The following KIF13A variants were observed in gnomAD, a reference collection of about 807,000 sequenced individuals.
KIF13A encodes the protein kinesin-like protein KIF13A.
Under a neutral mutation model 212.2 loss-of-function variants are expected in KIF13A, and 79 were observed. The observed-to-expected ratio is 0.37, with a 90% CI of 0.31 to 0.45. KIF13A has a LOEUF of 0.45. Among genes scored for constraint, KIF13A ranks in the 20% least tolerant of loss-of-function variants. The pLI, the probability that KIF13A is intolerant of heterozygous loss-of-function variation, is 1.00. For synonymous variants in KIF13A, 789 were observed against 808.6 expected (o/e 0.98, Z 0.41); for missense variants, 1,901 against 2,209.0 (o/e 0.86, Z 2.79).
downstream of KIF13A, chr6:17,760,191 A>G (rs1758528085): frequency 6.6e-6 from 1 of 152,220 alleles, no homozygotes; most frequent in Non-Finnish European, 1.5e-5. Context: ...GTGGACAGCA[A>G]AAATGTTGTC....
At chr6:17,854,546 A>C (rs867703325) in intron 6 of KIF13A, among the ~76,000 whole-genome samples, 1 of 77,094 alleles carries the variant, frequency 1.3e-5, no homozygotes, top group Non-Finnish European at 2.3e-5. Flanking sequence ...AATCAGTATA[A>C]TTTTTTTTTT....
intron 2 of KIF13A, among the ~76,000 whole-genome samples, chr6:17,976,300 C>G (rs943078822): frequency 4.6e-5 from 7 of 152,216 alleles, no homozygotes; most frequent in African/African-American, 1.7e-4. Context: ...GAGGCTCAGG[C>G]ATGGCGGGCT....
chr6:17,880,839 C>T (rs1043920657), intron 3 of KIF13A, among the ~76,000 whole-genome samples: 10 of 151,910 alleles, frequency 6.6e-5, no homozygotes, highest in African/African-American at 2.4e-4. Context: ...AAGTTAGTAT[C>T]GAACTCCTGA....
intron 2 of KIF13A, among the ~76,000 whole-genome samples, chr6:17,945,327 TAA>T (rs1777291964): frequency 6.6e-6 from 1 of 152,128 alleles, no homozygotes; most frequent in Admixed American, 6.6e-5. Flanking sequence ...CTCATGATTT[TAA>T]AAGTCAGGAC....
rs142427412 is a variant in KIF13A at position 17,823,695 on chromosome 6, C to T, written c.1786+2073G>A. ...GTTAGCCAGGCTGGTCTCGAACTCC[C>T]GGCCTCAAGTAATCTTCCTGCCTCA... On this transcript the variant is annotated intron_variant, in intron 16 of 38. Coordinates refer to ENST00000259711, the MANE Select transcript of KIF13A (RefSeq NM_022113.6). Among the ~76,000 whole-genome samples the T allele has an allele frequency of 9.1e-3, 1,378 of 151,302 alleles. 8 individuals are homozygous for T. The highest frequency in any genetic ancestry group is 0.056 in the Middle Eastern group (16 of 288).
intron 2 of KIF13A, among the ~76,000 whole-genome samples, chr6:17,981,519 G>A (rs1437889296): frequency 1.3e-5 from 2 of 150,880 alleles, no homozygotes; most frequent in East Asian, 3.9e-4. Context: ...ACGCCTCCCG[G>A]GTTCAAGCAT....
rs1761875964 is a variant in KIF13A at position 17,794,594 on chromosome 6, C to A, written c.3053G>T (p.Gly1018Val). ...TACCTGTCTAAGTTGAAAGATGCCT[C>A]CTGTGTTGACATCTTTTGCCTGATG... ...ELHQAKDVNT[G>V]GIFQLRQGHS... Residue 1018 changes from glycine (G) to valine (V), a missense_variant, in exon 24 of 39, where the codon GGA (glycine) becomes GTA (valine). By Grantham distance (109) the Gly-to-Val change is moderately radical. Around this residue, in one of 5 missense-constraint regions of KIF13A, gnomAD observed 168 missense variants for 250.9 expected, o/e 0.67. Coordinates refer to ENST00000259711, the MANE Select transcript of KIF13A (RefSeq NM_022113.6). This position sits in a 1 kb window ranked among gnomAD's most constrained non-coding sequence, Gnocchi z 4.1. 6.2e-7 allele frequency: 1 copy of A among 1,611,886 alleles called. No individual in the cohort carries two copies. The highest frequency in any genetic ancestry group is 1.7e-5 in the Admixed American group (1 of 59,556).
At chr6:17,875,003 G>GCACACACACACACACACA (rs905903459) in intron 3 of KIF13A, among the ~76,000 whole-genome samples, 1 of 133,320 alleles carries the variant, frequency 7.5e-6, no homozygotes, top group Non-Finnish European at 1.6e-5. Flanking sequence ...GCACACGCAC[G>GCACACACACACACACACA]CACACACACA....
Position 17,794,707 on chromosome 6 carries a change from G to A in KIF13A, c.2943-3C>T, listed in dbSNP as rs374365067. ...TTCTTCGCGTTACTTCATTCCACCT[G>A]CAGAAACACATTCCAACAAGCAAGA... On this transcript the variant is annotated splice_polypyrimidine_tract_variant and splice_region_variant and intron_variant, in intron 23 of 38. Transcript: ENST00000259711. The surrounding 1 kb of genome is among the most constrained non-coding windows in gnomAD (Gnocchi z 4.1). 2.5e-6 allele frequency: 4 copies of A among 1,604,308 alleles called. No individual in the cohort carries two copies. Among genetic ancestry groups the A allele is most frequent in the East Asian group, 2.2e-5 (1 of 44,842 alleles).
rs61171541 is a variant in KIF13A, at chr6:17,975,108, A to G, written c.146+11946T>C. On this transcript the variant is annotated intron_variant, in intron 2 of 38. Transcript: ENST00000259711. ...CCTGTAATCCCAGAACTTTGAGAGA[A>G]AGAGGAGGGCAGATCATTTGAGGTC... 7.0e-3 allele frequency among the ~76,000 whole-genome samples: 1,069 copies of G among 152,286 alleles called. 16 individuals are homozygous for G. Among genetic ancestry groups the G allele is most frequent in the African/African-American group, 0.025 (1,036 of 41,570 alleles).
chr6:17,781,330 A>G lies in KIF13A; in HGVS notation c.3545-29T>C, dbSNP rs534337561. On this transcript the variant is annotated intron_variant, in intron 29 of 38. Transcript: ENST00000259711. ...ACCACATCAGGAGCACAGAAAAAACAGTAGGGGAAAGTCAGTTTTTAAGCA... is the reference window on the plus strand; with the variant it reads ...ACCACATCAGGAGCACAGAAAAAACGGTAGGGGAAAGTCAGTTTTTAAGCA... The G allele has an allele frequency of 2.6e-6, 4 of 1,529,962 alleles. No individual in the cohort carries two copies. The South Asian group carries it at 5.1e-5, about 20-fold the overall frequency. The allele number at this position is 1,529,962 out of a possible 1,614,324, so 94.8% of individuals were successfully genotyped here.
At chr6:17,881,567 C>G (rs1242916940) in intron 3 of KIF13A, 1 of 400,624 alleles carries the variant, frequency 2.5e-6, no homozygotes, top group Non-Finnish European at 4.9e-6. Context: ...TGCGGCAGTG[C>G]ACGCCTGTAA....
chr6:17,764,066 G>C lies in KIF13A; in HGVS notation c.*44C>G. ...CTGGATGAATCTTTCCTACCAAGTTGTTGCGGTGAAGGGCCTCTGGGGTTG... is the reference window on the plus strand; with the variant it reads ...CTGGATGAATCTTTCCTACCAAGTTCTTGCGGTGAAGGGCCTCTGGGGTTG... On this transcript the variant is annotated 3_prime_UTR_variant, in exon 39 of 39. Coordinates refer to ENST00000259711, the MANE Select transcript of KIF13A (RefSeq NM_022113.6). This position sits in a 1 kb window ranked among gnomAD's most constrained non-coding sequence, Gnocchi z 5.1. The C allele has an allele frequency of 5.1e-6, 8 of 1,577,588 alleles. No homozygotes were observed. The highest frequency in any genetic ancestry group is 6.9e-6 in the Non-Finnish European group (8 of 1,161,068).
rs1474040160 is a variant in KIF13A at position 17,764,541 on chromosome 6, T to G, written c.4987A>C (p.Lys1663Gln). 2 of 1,613,900 alleles carry G rather than the reference T, an allele frequency of 1.2e-6. No homozygotes were observed. The highest frequency in any genetic ancestry group is 1.7e-6 in the Non-Finnish European group (2 of 1,179,902). Residue 1663 changes from lysine to glutamine, a missense_variant, in exon 39 of 39, where the codon AAG (lysine) becomes CAG (glutamine). Lys to Gln is a moderately conservative substitution (Grantham distance 53, BLOSUM62 1). This residue lies in a region of KIF13A where 687 missense variants were observed against 759.1 expected (regional missense o/e 0.90). Transcript: ENST00000259711. This position sits in a 1 kb window ranked among gnomAD's most constrained non-coding sequence, Gnocchi z 5.1. ...TCCTTGAGTGGCACCACAATTATCT[T>G]GTCCTTTACCAAGCCTTTTTCGACT... ...TEVEKGLVKD[K>Q]IIVVPLKENS...
At chr6:17,861,305 G>C (rs1448483809) in intron 4 of KIF13A, among the ~76,000 whole-genome samples, 1 of 152,176 alleles carries the variant, frequency 6.6e-6, no homozygotes, top group Non-Finnish European at 1.5e-5. Context: ...CAAAGACAAT[G>C]CATTCTGTTT....
Position 17,984,471 on chromosome 6 carries a change from C to T in KIF13A, c.146+2583G>A. Reference sequence around the variant, plus strand: ...GCAATGTATTACAATACTAGAATTTCAGCAACAAAACAAACATCTTTAACC... The same window carrying T: ...GCAATGTATTACAATACTAGAATTTTAGCAACAAAACAAACATCTTTAACC... On this transcript the variant is annotated intron_variant, in intron 2 of 38. Transcript: ENST00000259711. This position sits in a 1 kb window ranked among gnomAD's most constrained non-coding sequence, Gnocchi z 5.0. The T allele has an allele frequency of 1.0e-6, 1 of 969,496 alleles. No individual in the cohort carries two copies. The highest frequency in any genetic ancestry group is 1.2e-6 in the Non-Finnish European group (1 of 815,494). The allele number at this position is 969,496 out of a possible 1,614,324, so 60.1% of individuals were successfully genotyped here.
intron 16 of KIF13A, among the ~76,000 whole-genome samples, chr6:17,822,506 T>C (rs10949452): frequency 0.18 from 26,932 of 152,164 alleles, 2,689 homozygotes; most frequent in Admixed American, 0.29. Context: ...TGAATACTCA[T>C]TGATTATTGA....
At chr6:17,802,123 G>T (rs552447395) in intron 20 of KIF13A, among the ~76,000 whole-genome samples, 2 of 152,108 alleles carry the variant, frequency 1.3e-5, no homozygotes, top group East Asian at 3.9e-4. Context: ...AACAGGGAAG[G>T]TTATTTTTAA....
intron 2 of KIF13A, among the ~76,000 whole-genome samples, chr6:17,954,327 G>A (rs1226233446): frequency 3.4e-5 from 5 of 147,844 alleles, no homozygotes; most frequent in Non-Finnish European, 4.5e-5. Context: ...AAAAAAATCA[G>A]ATCAGCATTT....
Sources: allele counts gnomAD v4.1 joint callset (sites outside exome capture counted in the v4.1 genomes callset), GRCh38; gene constraint gnomAD v4.1.1; regional missense constraint gnomAD v4.1.1; non-coding constraint Gnocchi (gnomAD v3.1); transcripts MANE v1.5; gene names NCBI Gene and HGNC (gene_info 2026-07-23, HGNC 2026-07-21).